Variants in AFG2A observed in about 807,000 individuals in gnomAD.
AFG2A encodes ATPase family gene 2 protein homolog A.
At chr4:122,935,848 G>T in the AFG2A span, 1 of 1,601,740 alleles carries the variant, frequency 6.2e-7, no homozygotes, top group Admixed American at 1.8e-5. Flanking sequence ...AAGCAAGTAA[G>T]TACATGATTT....
the AFG2A span, among the ~76,000 whole-genome samples, chr4:123,096,829 G>A: frequency 6.6e-6 from 1 of 152,062 alleles, no homozygotes; most frequent in African/African-American, 2.4e-5. Flanking sequence ...ATTTTCTATT[G>A]TTGTGTTAGA....
the AFG2A span, among the ~76,000 whole-genome samples, chr4:123,210,888 C>A: frequency 6.6e-6 from 1 of 151,202 alleles, no homozygotes; most frequent in Non-Finnish European, 1.5e-5. Flanking sequence ...ATTTTTTTTT[C>A]CTGTTGGCTA....
chr4:123,003,129 T>C, the AFG2A span, among the ~76,000 whole-genome samples: 1 of 152,352 alleles, frequency 6.6e-6, no homozygotes, highest in East Asian at 1.9e-4. Context: ...CTTCACGTAG[T>C]TCTCGAGCCT....
chr4:123,152,599 C>T, the AFG2A span, among the ~76,000 whole-genome samples: 1 of 152,182 alleles, frequency 6.6e-6, no homozygotes, highest in Non-Finnish European at 1.5e-5. Flanking sequence ...TTCCAGAACA[C>T]TGACAACACC....
chr4:123,115,961 G>T, the AFG2A span, among the ~76,000 whole-genome samples: 1 of 152,136 alleles, frequency 6.6e-6, no homozygotes, highest in Non-Finnish European at 1.5e-5. Flanking sequence ...GTTCAGTGGG[G>T]CAATCGTGGC....
At chr4:123,312,210 T>A in the AFG2A span, among the ~76,000 whole-genome samples, 3 of 152,270 alleles carry the variant, frequency 2.0e-5, no homozygotes, top group East Asian at 5.8e-4. Flanking sequence ...ACTCACATAG[T>A]AGGTGCTCAA....
the AFG2A span, among the ~76,000 whole-genome samples, chr4:123,180,184 C>T: frequency 6.6e-6 from 1 of 152,182 alleles, no homozygotes; most frequent in Non-Finnish European, 1.5e-5. Context: ...CATGCCACTG[C>T]ACTCCAGCCT....
the AFG2A span, among the ~76,000 whole-genome samples, chr4:123,167,430 C>A: frequency 6.6e-6 from 1 of 151,992 alleles, no homozygotes; most frequent in Non-Finnish European, 1.5e-5. Context: ...TCTCTGCAAC[C>A]TCCGCCTCCT....
the AFG2A span, among the ~76,000 whole-genome samples, chr4:123,022,770 A>G: frequency 2.0e-4 from 30 of 152,078 alleles, no homozygotes; most frequent in African/African-American, 5.1e-4. Context: ...CAATAGCAAA[A>G]ACTTGGAACC....
At chr4:122,970,284 A>G in the AFG2A span, among the ~76,000 whole-genome samples, 1 of 152,074 alleles carries the variant, frequency 6.6e-6, no homozygotes, top group Non-Finnish European at 1.5e-5. Context: ...ATAGTTACCT[A>G]TGGTACTGAG....
At chr4:123,252,738 C>G in the AFG2A span, among the ~76,000 whole-genome samples, 1 of 152,172 alleles carries the variant, frequency 6.6e-6, no homozygotes, top group Non-Finnish European at 1.5e-5. Flanking sequence ...TGCAGAACAT[C>G]CCCATCACCC....
At chr4:122,926,851 T>C in the AFG2A span, among the ~76,000 whole-genome samples, 8 of 152,328 alleles carry the variant, frequency 5.3e-5, no homozygotes, top group South Asian at 8.3e-4. Context: ...ACTGTAAGCA[T>C]TGGAGATACA....
At chr4:123,310,990 G>A in the AFG2A span, among the ~76,000 whole-genome samples, 1 of 152,132 alleles carries the variant, frequency 6.6e-6, no homozygotes, top group Non-Finnish European at 1.5e-5. Flanking sequence ...CGTTCATATT[G>A]AGGTCCTTGA....
At chr4:123,196,933 C>T in the AFG2A span, among the ~76,000 whole-genome samples, 1 of 152,170 alleles carries the variant, frequency 6.6e-6, no homozygotes, top group Admixed American at 6.5e-5. Flanking sequence ...TAATCTTACA[C>T]AGAATGATGT....
At chr4:123,128,289 T>C in the AFG2A span, among the ~76,000 whole-genome samples, 1 of 152,212 alleles carries the variant, frequency 6.6e-6, no homozygotes, top group African/African-American at 2.4e-5. Flanking sequence ...AAAAAACCAT[T>C]GTGTCTGAGA....
At chr4:123,131,163 C>A in the AFG2A span, among the ~76,000 whole-genome samples, 2 of 152,058 alleles carry the variant, frequency 1.3e-5, no homozygotes, top group African/African-American at 4.8e-5. Flanking sequence ...ATATTACAAA[C>A]CTTCTCTTAA....
the AFG2A span, among the ~76,000 whole-genome samples, chr4:123,050,262 A>C: frequency 0.012 from 1,834 of 152,286 alleles, 42 homozygotes; most frequent in African/African-American, 0.041. Context: ...GCTGATAACA[A>C]GAATGTGTAT....
the AFG2A span, among the ~76,000 whole-genome samples, chr4:123,008,709 A>G: frequency 1.3e-5 from 2 of 152,206 alleles, no homozygotes; most frequent in African/African-American, 4.8e-5. Flanking sequence ...TCCTACAGAA[A>G]GAGGAATGCT....
chr4:123,095,115 T>C, the AFG2A span, among the ~76,000 whole-genome samples: 1 of 148,348 alleles, frequency 6.7e-6, no homozygotes. Flanking sequence ...TATCCACACT[T>C]TCCTCACATC....
Sources: allele counts gnomAD v4.1 joint callset (sites outside exome capture counted in the v4.1 genomes callset), GRCh38; gene constraint gnomAD v4.1.1; transcripts MANE v1.5; gene names NCBI Gene and HGNC (gene_info 2026-07-23, HGNC 2026-07-21).